The following FCER1A variants were observed in gnomAD, a reference collection of about 807,000 sequenced individuals.
The protein encoded by FCER1A is high affinity immunoglobulin epsilon receptor subunit alpha.
Under a neutral mutation model 23.6 loss-of-function variants are expected in FCER1A, and 24 were observed. That is an observed-to-expected ratio of 1.02 (90% CI 0.74 to 1.43). The LOEUF (loss-of-function observed/expected upper bound fraction) is 1.43, where lower values mean the gene tolerates loss of function less well. Ranked by LOEUF, FCER1A falls within the 40% of genes most tolerant of loss-of-function variation. The pLI is 0.00. For synonymous variants in FCER1A, 121 were observed against 108.8 expected (o/e 1.11, Z -0.70); for missense variants, 318 against 294.5 (o/e 1.08, Z -0.58).
upstream of FCER1A, among the ~76,000 whole-genome samples, chr1:159,286,533 C>T (rs1030141690): frequency 4.6e-5 from 7 of 152,066 alleles, no homozygotes; most frequent in South Asian, 2.1e-4. Context: ...AGGGTTTCAC[C>T]ATGTTAGCCA....
chr1:159,302,049 G>A (rs970732487), upstream of FCER1A, among the ~76,000 whole-genome samples: 1 of 152,160 alleles, frequency 6.6e-6, no homozygotes, highest in African/African-American at 2.4e-5. Flanking sequence ...TTTCTAAGTT[G>A]TAAACTAAAT....
intron 4 of FCER1A, among the ~76,000 whole-genome samples, chr1:159,306,838 G>A (rs534116491): frequency 6.6e-6 from 1 of 152,248 alleles, no homozygotes; most frequent in South Asian, 2.1e-4. Flanking sequence ...AGCCTGTGAA[G>A]TATTCACTTT....
chr1:159,287,932 C>G (rs1197239817), upstream of FCER1A, among the ~76,000 whole-genome samples: 1 of 151,918 alleles, frequency 6.6e-6, no homozygotes, highest in Non-Finnish European at 1.5e-5. Context: ...TAAGCATGCT[C>G]TCTGCTGTGC....
upstream of FCER1A, among the ~76,000 whole-genome samples, chr1:159,300,685 C>A (rs1652408548): frequency 6.6e-6 from 1 of 152,136 alleles, no homozygotes; most frequent in Non-Finnish European, 1.5e-5. Flanking sequence ...ATTCATATTT[C>A]TCCTATAAGT....
At chr1:159,291,882 T>C (rs989819015) in intron 1 of FCER1A, among the ~76,000 whole-genome samples, 1 of 152,172 alleles carries the variant, frequency 6.6e-6, no homozygotes, top group African/African-American at 2.4e-5. Flanking sequence ...AACTTCCATA[T>C]TGCTAGATTC....
chr1:159,304,824 G>T (rs1190686728), intron 3 of FCER1A, among the ~76,000 whole-genome samples: 1 of 151,972 alleles, frequency 6.6e-6, no homozygotes, highest in Non-Finnish European at 1.5e-5. Context: ...TGTGTATCTG[G>T]AATAGGATCA....
At chr1:159,288,543 T>C (rs1416230834), upstream of FCER1A, among the ~76,000 whole-genome samples, 2 of 152,234 alleles carry the variant, frequency 1.3e-5, no homozygotes, top group Non-Finnish European at 2.9e-5. Context: ...GCAGAAGCGA[T>C]GGTGAATGTC....
chr1:159,294,767 A>G (rs2102219883), intron 1 of FCER1A, among the ~76,000 whole-genome samples: 1 of 152,324 alleles, frequency 6.6e-6, no homozygotes, highest in East Asian at 1.9e-4. Flanking sequence ...AGTGACAGAA[A>G]GATCAAGTAA....
At chr1:159,288,090 A>G (rs1055573013), upstream of FCER1A, among the ~76,000 whole-genome samples, 9 of 152,200 alleles carry the variant, frequency 5.9e-5, no homozygotes, top group Non-Finnish European at 8.8e-5. Flanking sequence ...TATGGGAGCA[A>G]TAAGTAATCT....
intron 1 of FCER1A, among the ~76,000 whole-genome samples, chr1:159,290,038 T>C (rs1327313399): frequency 6.6e-6 from 1 of 152,198 alleles, no homozygotes; most frequent in Non-Finnish European, 1.5e-5. Flanking sequence ...TTTGCAGTGA[T>C]TCAAATATAG....
At position 159,293,625 on chromosome 1, in the gene FCER1A, T is replaced by C. The variant is rs12134761; in HGVS notation, c.-60+3872T>C. Among the ~76,000 whole-genome samples the C allele has an allele frequency of 5.4e-3, 781 of 144,160 alleles. 5 individuals carry two copies. The highest frequency in any genetic ancestry group is 8.9e-3 in the Non-Finnish European group (595 of 66,786). 94.6% of individuals were successfully genotyped at this position (144,160 alleles called of 152,430 possible). On this transcript the variant is annotated intron_variant, in intron 1 of 5. Transcript: ENST00000368115. Reference sequence around the variant, plus strand: ...GTTCTCATTGTTCAATTCCCATCTATGAGTGAGAATATGCGGTGTTTGGTT... The same window carrying C: ...GTTCTCATTGTTCAATTCCCATCTACGAGTGAGAATATGCGGTGTTTGGTT...
chr1:159,284,232 A>G, the FCER1A span, among the ~76,000 whole-genome samples: 4 of 152,168 alleles, frequency 2.6e-5, no homozygotes, highest in African/African-American at 9.7e-5. Flanking sequence ...TCACTGACAT[A>G]CATCTCAGCC....
chr1:159,303,995 T>G lies in FCER1A; in HGVS notation c.144T>G (p.Thr48=). 6.2e-7 allele frequency: 1 copy of G among 1,613,204 alleles called. No homozygotes were observed. The highest frequency in any genetic ancestry group is 8.5e-7 in the Non-Finnish European group (1 of 1,179,116). ...WNRIFKGENV[T]LTCNGNNFFE... is the part of the protein sequence containing the mutation. ...GAATATTTAAAGGAGAGAATGTGACTCTTACATGTAATGGGAACAATTTCT... is the reference window on the plus strand; with the variant it reads ...GAATATTTAAAGGAGAGAATGTGACGCTTACATGTAATGGGAACAATTTCT... The change falls in exon 3 of 5, where the codon ACT becomes ACG. Residue 48 remains threonine, a synonymous_variant. Transcript: ENST00000693622.
At chr1:159,286,059 G>A (rs563244043), upstream of FCER1A, among the ~76,000 whole-genome samples, 23 of 151,740 alleles carry the variant, frequency 1.5e-4, no homozygotes, top group Admixed American at 4.6e-4. Context: ...ACGTGGTGGC[G>A]CGCCCCTGTA....
In FCER1A at chr1:159,294,536, C is replaced by G. The variant is rs143075770; in HGVS notation, c.-60+4783C>G. The stretch of plus-strand genomic sequence containing the variant: ...AGCAACATTATTTACTTTTTACAAA[C>G]GTTAGTCACAAGCTGTCACTGTTCT... On this transcript the variant is annotated intron_variant, in intron 1 of 5. Transcript: ENST00000368115. 2.6e-5 allele frequency among the ~76,000 whole-genome samples: 4 copies of G among 152,246 alleles called. No individual in the cohort carries two copies. The South Asian group carries it at 6.2e-4, about 24-fold the overall frequency.
chr1:159,307,974 A>G lies in FCER1A; in HGVS notation c.*42A>G. 1 of 1,461,956 alleles carries G rather than the reference A, an allele frequency of 6.8e-7. No individual in the cohort carries two copies. Among genetic ancestry groups the G allele is most frequent in the Non-Finnish European group, 9.4e-7 (1 of 1,061,194 alleles). 90.6% of individuals were successfully genotyped at this position (1,461,956 alleles called of 1,614,324 possible). On this transcript the variant is annotated 3_prime_UTR_variant, in exon 5 of 5. Transcript: ENST00000693622. ...ATATTTGCAACATTAGTTTTTTTCC[A>G]GCATCAGCAATTGCTACTCAATTGT...
At chr1:159,291,279 C>G (rs1267055874) in intron 1 of FCER1A, among the ~76,000 whole-genome samples, 1 of 152,106 alleles carries the variant, frequency 6.6e-6, no homozygotes, top group African/African-American at 2.4e-5. Flanking sequence ...CTTCTTCCAC[C>G]AACCTTTGAA....
At chr1:159,296,329 A>C (rs1170013344) in intron 1 of FCER1A, among the ~76,000 whole-genome samples, 4 of 152,196 alleles carry the variant, frequency 2.6e-5, no homozygotes, top group Non-Finnish European at 5.9e-5. Flanking sequence ...AATATAAAGA[A>C]GAAATAAAGG....
chr1:159,300,191 T>A (rs1652394976), upstream of FCER1A, among the ~76,000 whole-genome samples: 1 of 152,188 alleles, frequency 6.6e-6, no homozygotes, highest in Non-Finnish European at 1.5e-5. Context: ...AAGCTTATAC[T>A]CTTCGAACTA....
Sources: gnomAD v4.1 joint callset for allele counts (sites outside exome capture counted in the v4.1 genomes callset) on GRCh38, gnomAD v4.1.1 for gene constraint, MANE v1.5 for transcripts, NCBI Gene and HGNC (gene_info 2026-07-23, HGNC 2026-07-21) for gene names.